Variants in RAB35 observed in about 807,000 individuals in gnomAD.
RAB35 encodes the protein RAB35, member RAS oncogene family.
Under a neutral mutation model 28.9 loss-of-function variants are expected in RAB35, and 4 were observed. The ratio of observed to expected loss-of-function variants is 0.14; its 90% CI spans 0.07 to 0.32. The LOEUF (loss-of-function observed/expected upper bound fraction) is 0.32. Ranked by LOEUF, RAB35 falls within the 10% of genes least tolerant of loss-of-function variation. RAB35 has a pLI of 1.00. For missense variants in RAB35, 128 were observed against 274.0 expected (o/e 0.47, Z 3.76); for synonymous variants, 99 against 105.1 (o/e 0.94, Z 0.35).
At chr12:120,105,507 A>G (rs981399259) in intron 2 of RAB35, among the ~76,000 whole-genome samples, 1 of 152,208 alleles carries the variant, frequency 6.6e-6, no homozygotes, top group African/African-American at 2.4e-5. Flanking sequence ...GACACTCAGC[A>G]ATGTCTGGAG....
rs763182431 is a variant in RAB35, at chr12:120,097,196, G to A, written c.*49C>T. ...CCCCCGAGGAACCTCCGTGGGCCTC[G>A]GGCTGGGGGAGGGACCGCAGTGCAG... is the stretch of plus-strand genomic sequence containing the variant. On this transcript the variant is annotated 3_prime_UTR_variant, in exon 6 of 6. Transcript: ENST00000229340. The A allele has an allele frequency of 1.4e-5, 23 of 1,613,826 alleles. No homozygotes were observed. The highest frequency in any genetic ancestry group is 6.7e-5 in the Admixed American group (4 of 60,002).
chr12:120,102,359 C>T (rs561011463), intron 3 of RAB35, among the ~76,000 whole-genome samples: 2 of 152,258 alleles, frequency 1.3e-5, no homozygotes, highest in South Asian at 4.1e-4. Flanking sequence ...CCCCAGGCTG[C>T]CCAAAGCACT....
At chr12:120,106,996 TG>T (rs1397955727) in intron 2 of RAB35, among the ~76,000 whole-genome samples, 1 of 151,992 alleles carries the variant, frequency 6.6e-6, no homozygotes, top group Non-Finnish European at 1.5e-5. Flanking sequence ...TGATTTTTTT[TG>T]TTGTTTTTTG....
chr12:120,109,798 C>A (rs1876041439), intron 1 of RAB35, among the ~76,000 whole-genome samples: 1 of 152,044 alleles, frequency 6.6e-6, no homozygotes, highest in Non-Finnish European at 1.5e-5. Context: ...GCCACTGCGC[C>A]TGGACCTCTC....
At chr12:120,113,382 C>T (rs1402096569) in intron 1 of RAB35, among the ~76,000 whole-genome samples, 3 of 152,110 alleles carry the variant, frequency 2.0e-5, no homozygotes, top group Admixed American at 6.6e-5. Flanking sequence ...ACAAGTCACG[C>T]CCCCTCTCTG....
In RAB35 at chr12:120,103,990, T is replaced by C. The variant is rs1215634726; in HGVS notation, c.104-41A>G. The C allele has an allele frequency of 6.2e-7, 1 of 1,608,454 alleles. No individual in the cohort carries two copies. The highest frequency in any genetic ancestry group is 1.7e-5 in the Admixed American group (1 of 59,710). On this transcript the variant is annotated intron_variant, in intron 2 of 5. Transcript: ENST00000229340. This position sits in a 1 kb window ranked among gnomAD's most constrained non-coding sequence, Gnocchi z 6.1. ...AGTTAACGAGGCCCAGCGCGGTATC[T>C]TCCCAGGCCCTGAGCCCCACGCTGC...
intron 3 of RAB35, among the ~76,000 whole-genome samples, chr12:120,101,418 C>T (rs374728176): frequency 6.6e-6 from 1 of 152,178 alleles, no homozygotes; most frequent in Non-Finnish European, 1.5e-5. Flanking sequence ...CCGCACCTCT[C>T]AGGGCCGGCA....
intron 5 of RAB35, among the ~76,000 whole-genome samples, chr12:120,098,336 C>T (rs1875519655): frequency 6.6e-6 from 1 of 152,246 alleles, no homozygotes; most frequent in Admixed American, 6.5e-5. Context: ...TGCCCACAGG[C>T]CCAGGTGGAT....
intron 5 of RAB35, 89 bp from the exon 6 acceptor site, chr12:120,097,462 C>A (rs1875470579): frequency 9.7e-7 from 1 of 1,026,750 alleles, no homozygotes. Context: ...CTTCCGGGGC[C>A]CAGCTCTTTC....
At chr12:120,104,662 G>T (rs979095905) in intron 2 of RAB35, among the ~76,000 whole-genome samples, 6 of 152,090 alleles carry the variant, frequency 3.9e-5, no homozygotes, top group African/African-American at 2.4e-5. Flanking sequence ...TGGTGGGGGG[G>T]GGACAGCGTC....
chr12:120,097,962 C>G (rs1875496802), intron 5 of RAB35, among the ~76,000 whole-genome samples: 2 of 150,330 alleles, frequency 1.3e-5, no homozygotes, highest in African/African-American at 2.5e-5. Flanking sequence ...CAGCTCACTG[C>G]AAACTCTGCC....
intron 2 of RAB35, among the ~76,000 whole-genome samples, chr12:120,107,052 C>A (rs1044340228): frequency 6.6e-6 from 1 of 151,890 alleles, no homozygotes; most frequent in African/African-American, 2.4e-5. Flanking sequence ...GCAGTGGTGC[C>A]ATCTCAGCTC....
chr12:120,116,181 T>C (rs932349520), intron 1 of RAB35, among the ~76,000 whole-genome samples: 2 of 152,160 alleles, frequency 1.3e-5, no homozygotes, highest in South Asian at 2.1e-4. Flanking sequence ...TTTCCTACTT[T>C]ATCCCATCGA....
chr12:120,102,031 G>A (rs142743686), intron 3 of RAB35, among the ~76,000 whole-genome samples: 148 of 152,238 alleles, frequency 9.7e-4, no homozygotes, highest in Middle Eastern at 3.4e-3. Context: ...CTGCCACCCT[G>A]AACCTCCGCC....
Position 120,098,857 on chromosome 12 carries a change from A to G in RAB35, c.431T>C (p.Ile144Thr). Residue 144 changes from isoleucine to threonine, a missense_variant, in exon 5 of 6, where the codon ATC becomes ACC. Transcript: ENST00000229340. ...CTTGGCGCTGGTCTCGAACAACTGG[A>G]TGCCCATCTGCCCGGCGAATTTGTA... Reference protein sequence around the residue: ...DAYKFAGQMGIQLFETSAKEN... With the variant: ...DAYKFAGQMGTQLFETSAKEN... The G allele has an allele frequency of 6.2e-7, 1 of 1,614,186 alleles. No individual in the cohort carries two copies. The highest frequency in any genetic ancestry group is 8.5e-7 in the Non-Finnish European group (1 of 1,180,034).
intron 1 of RAB35, among the ~76,000 whole-genome samples, chr12:120,114,825 A>G (rs1389219501): frequency 2.0e-5 from 3 of 152,196 alleles, no homozygotes; most frequent in Non-Finnish European, 2.9e-5. Flanking sequence ...CTTCCTGCTG[A>G]GTTTAGGCTT....
chr12:120,115,795 G>C (rs1449373123), intron 1 of RAB35, among the ~76,000 whole-genome samples: 12 of 152,136 alleles, frequency 7.9e-5, no homozygotes. Context: ...CCCATCCCCA[G>C]GACCCCTCTG....
intron 5 of RAB35, 41 bp from the exon 6 acceptor site, chr12:120,097,414 C>T (rs1301169019): frequency 1.9e-6 from 3 of 1,557,884 alleles, no homozygotes; most frequent in Non-Finnish European, 1.8e-6. Context: ...CAGACCTGGC[C>T]AGGAGGCCCC....
chr12:120,105,916 C>CA (rs61681731), intron 2 of RAB35, among the ~76,000 whole-genome samples: 3,997 of 44,528 alleles, frequency 0.09, 299 homozygotes, highest in African/African-American at 0.18. Context: ...GACTCCGTCT[C>CA]AAAAAAAAAA....
Sources: allele counts gnomAD v4.1 joint callset (sites outside exome capture counted in the v4.1 genomes callset), GRCh38; gene constraint gnomAD v4.1.1; non-coding constraint Gnocchi (gnomAD v3.1); transcripts MANE v1.5; gene names NCBI Gene and HGNC (gene_info 2026-07-23, HGNC 2026-07-21).